RTKN2: variants seen among roughly 807,000 people sequenced by gnomAD.
RTKN2 encodes rhotekin-2.
Under a neutral mutation model 71.5 loss-of-function variants are expected in RTKN2, and 69 were observed. That is an observed-to-expected ratio of 0.96 (90% CI 0.79 to 1.18). The LOEUF (loss-of-function observed/expected upper bound fraction) is 1.18, where lower values mean the gene tolerates loss of function less well. Among genes scored for constraint, RTKN2 ranks in the 50% most tolerant of loss-of-function variants. The probability of loss-of-function intolerance (pLI) is 0.00; values close to 1 mark genes in which losing one functional copy is unlikely to be tolerated. For synonymous variants in RTKN2, 236 were observed against 236.5 expected (o/e 1.00, Z 0.02); for missense variants, 724 against 719.7 (o/e 1.01, Z -0.07).
At chr10:62,243,276 T>C (rs1345821354) in intron 3 of RTKN2, among the ~76,000 whole-genome samples, 1 of 152,106 alleles carries the variant, frequency 6.6e-6, no homozygotes, top group Non-Finnish European at 1.5e-5. Flanking sequence ...CTTCTAAAAT[T>C]GTTAAATTAT....
intron 9 of RTKN2, among the ~76,000 whole-genome samples, chr10:62,209,253 A>T (rs1425371877): frequency 2.0e-5 from 3 of 152,076 alleles, no homozygotes; most frequent in African/African-American, 7.2e-5. Flanking sequence ...GGGCAACACG[A>T]GCGAAACTCC....
intron 2 of RTKN2, among the ~76,000 whole-genome samples, chr10:62,249,933 A>G (rs948993007): frequency 6.6e-6 from 1 of 152,214 alleles, no homozygotes; most frequent in Non-Finnish European, 1.5e-5. Context: ...GTAAAACAGT[A>G]GTAGCCATCT....
At chr10:62,267,856 G>A (rs959261895) in intron 1 of RTKN2, among the ~76,000 whole-genome samples, 3 of 152,206 alleles carry the variant, frequency 2.0e-5, no homozygotes, top group African/African-American at 7.2e-5. Context: ...TTATGGTTAA[G>A]AGTGAAAAGT....
At chr10:62,243,888 C>A (rs1206655048) in intron 3 of RTKN2, among the ~76,000 whole-genome samples, 1 of 152,050 alleles carries the variant, frequency 6.6e-6, no homozygotes, top group South Asian at 2.1e-4. Flanking sequence ...AACTAAGGTA[C>A]TTGGTGAACT....
In RTKN2 at chr10:62,246,280, T is replaced by C. The variant is rs563454074; in HGVS notation, c.258-223A>G. On this transcript the variant is annotated intron_variant, in intron 2 of 11. Transcript: ENST00000373789. ...CTCCCGATTTTTCATATAAACTTTA[T>C]ATTCCTTGATGACTGTATACTGGTT... 5.9e-5 allele frequency among the ~76,000 whole-genome samples: 9 copies of C among 152,258 alleles called. No individual in the cohort carries two copies. The South Asian group carries it at 1.4e-3, about 24-fold the overall frequency.
At chr10:62,258,115 A>G (rs1466869085) in intron 2 of RTKN2, among the ~76,000 whole-genome samples, 3 of 152,242 alleles carry the variant, frequency 2.0e-5, no homozygotes, top group Non-Finnish European at 2.9e-5. Flanking sequence ...TAAAAAAACA[A>G]CAAATGATAT....
chr10:62,227,273 T>A (rs1043721124), intron 6 of RTKN2, among the ~76,000 whole-genome samples: 1 of 152,010 alleles, frequency 6.6e-6, no homozygotes, highest in African/African-American at 2.4e-5. Flanking sequence ...CCCATGAAGC[T>A]AAGTAAAGCA....
intron 1 of RTKN2, 28 bp from the exon 2 acceptor site, chr10:62,262,849 T>C (rs766791561): frequency 2.0e-6 from 3 of 1,517,178 alleles, no homozygotes; most frequent in East Asian, 2.3e-5. Context: ...CTTGAAAATA[T>C]AGCAAAAACC....
rs534943480 is a variant in RTKN2, at chr10:62,195,217, C to T, written c.*2691G>A. ...TATCATAAAATATCTATTCTGTTTC[C>T]CCAATTATATTATCAAGAGCTGACA... On this transcript the variant is annotated 3_prime_UTR_variant, in exon 12 of 12. Transcript: ENST00000373789. 2 of 978,516 alleles carry T rather than the reference C, an allele frequency of 2.0e-6. No homozygotes were observed. The highest frequency in any genetic ancestry group is 1.2e-6 in the Non-Finnish European group (1 of 823,914). The allele number at this position is 978,516 out of a possible 1,614,324, so 60.6% of individuals were successfully genotyped here. A position where few individuals can be genotyped will look rare whatever the true frequency, so the allele number is the denominator to read the frequency against.
intron 8 of RTKN2, chr10:62,184,447 TCAC>T: frequency 1.2e-6 from 1 of 829,704 alleles, no homozygotes; most frequent in South Asian, 1.7e-5. Context: ...AACCAGAAAG[TCAC>T]CACCAATCAG....
At position 62,195,158 on chromosome 10, in the gene RTKN2, C is replaced by T; in HGVS notation, c.*2750G>A. 1 of 973,968 alleles carries T rather than the reference C, an allele frequency of 1.0e-6. No individual in the cohort carries two copies. Among genetic ancestry groups the T allele is most frequent in the Non-Finnish European group, 1.2e-6 (1 of 819,620 alleles). The allele number at this position is 973,968 out of a possible 1,614,324, so 60.3% of individuals were successfully genotyped here. A position where few individuals can be genotyped will look rare whatever the true frequency, so the allele number is the denominator to read the frequency against. On this transcript the variant is annotated 3_prime_UTR_variant, in exon 12 of 12. Transcript: ENST00000373789. ...GAGCTTGAAATGTAAAGGTAATTGT[C>T]TAAGACATTATCTTTAGATCATCAG...
intron 9 of RTKN2, among the ~76,000 whole-genome samples, chr10:62,207,165 T>G (rs989561443): frequency 6.6e-6 from 1 of 152,100 alleles, no homozygotes; most frequent in African/African-American, 2.4e-5. Flanking sequence ...TTTTTATAGA[T>G]GAATTTGGAT....
At chr10:62,241,759 C>T (rs1242891656) in intron 3 of RTKN2, among the ~76,000 whole-genome samples, 1 of 152,024 alleles carries the variant, frequency 6.6e-6, no homozygotes, top group Non-Finnish European at 1.5e-5. Context: ...AGTGCAGTGG[C>T]ACAATCTCAG....
At chr10:62,222,498 T>C (rs1841931985) in intron 7 of RTKN2, among the ~76,000 whole-genome samples, 2 of 152,250 alleles carry the variant, frequency 1.3e-5, no homozygotes, top group Middle Eastern at 3.4e-3. Context: ...ACAAAAAAAA[T>C]TGGTATAACA....
At position 62,194,964 on chromosome 10, in the gene RTKN2, G is replaced by C. The variant is rs972645311; in HGVS notation, c.*2944C>G. The C allele has an allele frequency of 1.0e-6, 1 of 985,278 alleles. No homozygotes were observed. Among genetic ancestry groups the C allele is most frequent in the African/African-American group, 1.7e-5 (1 of 57,238 alleles). 61.0% of individuals were successfully genotyped at this position (985,278 alleles called of 1,614,324 possible). ...AGGAGGATTTAACAAAACTCAGCAA[G>C]AGTTGGCACGCCTGATATTTTTGAA... On this transcript the variant is annotated 3_prime_UTR_variant, in exon 12 of 12. Transcript: ENST00000373789.
Position 62,194,352 on chromosome 10 carries a change from T to A in RTKN2, c.*3556A>T. On this transcript the variant is annotated 3_prime_UTR_variant, in exon 12 of 12. Transcript: ENST00000373789. ...CAAACATGTAAACATATGTAAACATTTAAAAATAGTGATGCCTTTGAAATG... is the reference window on the plus strand; with the variant it reads ...CAAACATGTAAACATATGTAAACATATAAAAATAGTGATGCCTTTGAAATG... 13 of 984,790 alleles carry A rather than the reference T, an allele frequency of 1.3e-5. No individual in the cohort carries two copies. The highest frequency in any genetic ancestry group is 1.6e-5 in the Non-Finnish European group (13 of 829,370). The allele number at this position is 984,790 out of a possible 1,614,324, so 61.0% of individuals were successfully genotyped here. A position where few individuals can be genotyped will look rare whatever the true frequency, so the allele number is the denominator to read the frequency against.
intron 6 of RTKN2, 152 bp from the exon 7 acceptor site, chr10:62,223,484 C>T: frequency 1.8e-6 from 1 of 547,716 alleles, no homozygotes; most frequent in African/African-American, 1.9e-5. Context: ...GGACAAGATC[C>T]AGCATTACAT....
intron 6 of RTKN2, among the ~76,000 whole-genome samples, chr10:62,226,952 C>T (rs1842037437): frequency 6.6e-6 from 1 of 152,116 alleles, no homozygotes; most frequent in East Asian, 1.9e-4. Flanking sequence ...CAGAATGAGA[C>T]TGTCTCAAAA....
intron 2 of RTKN2, among the ~76,000 whole-genome samples, chr10:62,246,558 C>T (rs1296300814): frequency 6.6e-6 from 1 of 151,938 alleles, no homozygotes; most frequent in Non-Finnish European, 1.5e-5. Context: ...TATTTAATAT[C>T]ATATTTAATT....
Sources: gnomAD v4.1 joint callset for allele counts (sites outside exome capture counted in the v4.1 genomes callset) on GRCh38, gnomAD v4.1.1 for gene constraint, MANE v1.5 for transcripts, NCBI Gene and HGNC (gene_info 2026-07-23, HGNC 2026-07-21) for gene names.